NXPE2: variants seen among roughly 807,000 people sequenced by gnomAD.
NXPE2 encodes NXPE family member 2.
In NXPE2, 34 loss-of-function variants were observed where a neutral mutation model predicts 34.4. The ratio of observed to expected loss-of-function variants is 0.99; its 90% CI spans 0.75 to 1.31. The LOEUF (loss-of-function observed/expected upper bound fraction) is 1.31. Ranked by LOEUF, NXPE2 falls within the 40% of genes most tolerant of loss-of-function variation. The pLI is 0.00. For synonymous variants in NXPE2, 235 were observed against 231.3 expected (o/e 1.02, Z -0.15); for missense variants, 649 against 672.5 (o/e 0.97, Z 0.39).
the NXPE2 span, among the ~76,000 whole-genome samples, chr11:114,538,395 A>C: frequency 6.6e-6 from 1 of 152,202 alleles, no homozygotes; most frequent in African/African-American, 2.4e-5. Flanking sequence ...TAAAACACCA[A>C]AAGCAATGGC....
chr11:114,719,507 C>T, the NXPE2 span, among the ~76,000 whole-genome samples: 14 of 152,308 alleles, frequency 9.2e-5, no homozygotes, highest in Non-Finnish European at 2.1e-4. Context: ...CCTTGGTGGA[C>T]GTTTGCCCGT....
At chr11:114,560,288 T>C in the NXPE2 span, among the ~76,000 whole-genome samples, 1 of 151,348 alleles carries the variant, frequency 6.6e-6, no homozygotes, top group African/African-American at 2.4e-5. Flanking sequence ...TTTTTTTTTT[T>C]TGGACAAGGT....
At chr11:114,809,442 A>G in the NXPE2 span, among the ~76,000 whole-genome samples, 1 of 146,968 alleles carries the variant, frequency 6.8e-6, no homozygotes, top group African/African-American at 2.5e-5. Context: ...TATCTAGAAA[A>G]CCCCATTGTC....
chr11:114,777,675 TTCTTC>T, the NXPE2 span, among the ~76,000 whole-genome samples: 11 of 152,218 alleles, frequency 7.2e-5, no homozygotes, highest in African/African-American at 2.4e-4. Context: ...CCTTCCTTCC[TTCTTC>T]AACAACTGTG....
At chr11:114,523,788 C>T in the NXPE2 span, among the ~76,000 whole-genome samples, 1 of 152,144 alleles carries the variant, frequency 6.6e-6, no homozygotes, top group African/African-American at 2.4e-5. Context: ...TGTCATGTTT[C>T]CTTACCACTC....
At chr11:114,583,123 T>A in the NXPE2 span, 1 of 1,250,440 alleles carries the variant, frequency 8.0e-7, no homozygotes, top group East Asian at 2.3e-5. Context: ...ATGTTCCTAG[T>A]CATTTTTACT....
the NXPE2 span, among the ~76,000 whole-genome samples, chr11:114,779,755 C>T: frequency 1.3e-5 from 2 of 152,074 alleles, no homozygotes; most frequent in Non-Finnish European, 2.9e-5. Context: ...GTCCCTCACC[C>T]TGAAAGGACT....
chr11:114,692,760 G>A (rs944237240), intron 2 of NXPE2, among the ~76,000 whole-genome samples: 1 of 152,064 alleles, frequency 6.6e-6, no homozygotes, highest in Non-Finnish European at 1.5e-5. Context: ...TTCTCTACTA[G>A]CTAATTTATT....
At chr11:114,472,417 T>A in the NXPE2 span, among the ~76,000 whole-genome samples, 1 of 152,076 alleles carries the variant, frequency 6.6e-6, no homozygotes, top group Non-Finnish European at 1.5e-5. Context: ...AAAAATCTTA[T>A]AATGTTTTAA....
chr11:114,631,897 T>C, the NXPE2 span, among the ~76,000 whole-genome samples: 3 of 151,410 alleles, frequency 2.0e-5, no homozygotes, highest in Admixed American at 6.6e-5. Flanking sequence ...ATAATAAGTA[T>C]TGCCTCGTGG....
chr11:114,800,611 T>G, the NXPE2 span, among the ~76,000 whole-genome samples: 1 of 152,244 alleles, frequency 6.6e-6, no homozygotes, highest in Non-Finnish European at 1.5e-5. Context: ...ATCTTTCATA[T>G]TCTAGCATTA....
Position 114,698,293 on chromosome 11 carries a change from T to G in NXPE2, c.381T>G (p.Asp127Glu). Residue 127 changes from aspartate to glutamate, a missense_variant, in exon 3 of 6, where the codon GAT (aspartate) becomes GAG (glutamate). Transcript: ENST00000389586. ...LNPQDTYCRG[D>E]QLDILLEVRD... ...CTCAAGATACGTACTGCAGGGGGGA[T>G]CAGCTGGACATCCTTCTGGAGGTGA... The G allele has an allele frequency of 6.2e-7, 1 of 1,613,760 alleles. No individual in the cohort carries two copies. Among genetic ancestry groups the G allele is most frequent in the East Asian group, 2.2e-5 (1 of 44,874 alleles).
chr11:114,717,803 C>G, the NXPE2 span, among the ~76,000 whole-genome samples: 1 of 152,136 alleles, frequency 6.6e-6, no homozygotes, highest in Non-Finnish European at 1.5e-5. Context: ...TGGATGTGAG[C>G]CCAGTAAATC....
At chr11:114,750,448 A>G in the NXPE2 span, among the ~76,000 whole-genome samples, 1 of 152,182 alleles carries the variant, frequency 6.6e-6, no homozygotes, top group Non-Finnish European at 1.5e-5. Context: ...ATTGGCATCT[A>G]TCCTGAAATT....
chr11:114,468,909 C>T, the NXPE2 span, among the ~76,000 whole-genome samples: 5 of 151,996 alleles, frequency 3.3e-5, no homozygotes, highest in Admixed American at 6.6e-5. Flanking sequence ...TGCAAACATT[C>T]TAGAGAAGAG....
chr11:114,530,053 A>G, the NXPE2 span: 40 of 1,025,120 alleles, frequency 3.9e-5, no homozygotes, highest in South Asian at 6.3e-4. Flanking sequence ...AGAAGACACC[A>G]CATGTCTTAC....
At chr11:114,527,764 G>T in the NXPE2 span, 14 of 948,588 alleles carry the variant, frequency 1.5e-5, no homozygotes, top group Non-Finnish European at 2.1e-5. Flanking sequence ...TGCTCCAGGA[G>T]AACTACAATT....
chr11:114,586,562 C>T, the NXPE2 span, among the ~76,000 whole-genome samples: 2 of 152,186 alleles, frequency 1.3e-5, no homozygotes, highest in Non-Finnish European at 2.9e-5. Context: ...CCCATGTCCT[C>T]AGGGTGCTGG....
chr11:114,512,472 G>A, the NXPE2 span, among the ~76,000 whole-genome samples: 2 of 152,102 alleles, frequency 1.3e-5, no homozygotes, highest in Admixed American at 6.5e-5. Flanking sequence ...TTAATAAAGG[G>A]TGGAGTTGAA....
Sources: gnomAD v4.1 joint callset for allele counts (sites outside exome capture counted in the v4.1 genomes callset) on GRCh38, gnomAD v4.1.1 for gene constraint, MANE v1.5 for transcripts, NCBI Gene and HGNC (gene_info 2026-07-23, HGNC 2026-07-21) for gene names.